Variants in OR10A4 observed in about 807,000 individuals in gnomAD.
OR10A4 encodes olfactory receptor family 10 subfamily A member 4, also known as olfactory receptor 10A4.
A neutral mutation model predicts 15.4 loss-of-function variants in OR10A4; 18 were observed. The ratio of observed to expected loss-of-function variants is 1.17; its 90% CI spans 0.81 to 1.74. The LOEUF (loss-of-function observed/expected upper bound fraction) is 1.74. Among genes scored for constraint, OR10A4 ranks in the 40% most tolerant of loss-of-function variants. The pLI is 0.00. For synonymous variants in OR10A4, 161 were observed against 149.5 expected (o/e 1.08, Z -0.56); for missense variants, 455 against 372.3 (o/e 1.22, Z -1.83).
In OR10A4 at chr11:6,876,646, G is replaced by A. The variant is rs112578149; in HGVS notation, c.-2G>A. ...ATGCCCAGTGAAGTCCTGGGCAGAA[G>A]AATGATGTGGGAAAACTGGACAATT... On this transcript the variant is annotated 5_prime_UTR_variant, in exon 1 of 1. Transcript: ENST00000379829. 3.1e-4 allele frequency: 502 copies of A among 1,601,776 alleles called. 4 individuals carry two copies. The African/African-American group carries it at 4.8e-3, about 15-fold the overall frequency.
In OR10A4 at chr11:6,877,157, TG is replaced by T; in HGVS notation, c.512del (p.Gly171AlafsTer5). The T allele has an allele frequency of 6.2e-7, 1 of 1,614,246 alleles. No individual in the cohort carries two copies. On this transcript the variant is annotated frameshift_variant, in exon 1 of 1. Coordinates refer to ENST00000379829, the MANE Select transcript of OR10A4 (RefSeq NM_207186.2). LOFTEE classifies it high-confidence loss of function. ...CATGGATTTTCAGTTTCCCTTTTTGTGGCCCCAACAGGGTGAACCACTTCTT... is the reference window on the plus strand; with the variant it reads ...CATGGATTTTCAGTTTCCCTTTTTGTGCCCCAACAGGGTGAACCACTTCTT... ...TTWIFSFPFC[G>X]PNRVNHFFCD...
chr11:6,877,355 T>C lies in OR10A4; in HGVS notation c.708T>C (p.His236=), dbSNP rs1468720432. The C allele has an allele frequency of 1.5e-5, 24 of 1,614,112 alleles. No individual in the cohort carries two copies. Among genetic ancestry groups the C allele is most frequent in the Non-Finnish European group, 1.9e-5 (23 of 1,180,006 alleles). The change falls in exon 1 of 1, where the codon CAT becomes CAC. Residue 236 remains histidine (H), a synonymous_variant. Coordinates refer to ENST00000379829, the MANE Select transcript of OR10A4 (RefSeq NM_207186.2). ...IFRMPSAEGK[H]QAFSTCSAHL... ...GGATGCCGTCAGCTGAGGGGAAACA[T>C]CAGGCATTCTCCACCTGTTCCGCCC...
Position 6,877,230 on chromosome 11 carries a change from G to A in OR10A4, c.583G>A (p.Val195Met). 6.2e-7 allele frequency: 1 copy of A among 1,614,212 alleles called. No homozygotes were observed. Among genetic ancestry groups the A allele is most frequent in the Non-Finnish European group, 8.5e-7 (1 of 1,180,032 alleles). ...VIALVCADTSVFELEALTATV... is the reference protein window; with the variant it reads ...VIALVCADTSMFELEALTATV... ...TGCACTGGTCTGTGCTGACACCTCT[G>A]TGTTTGAACTGGAGGCTCTGACAGC... Residue 195 changes from valine (V) to methionine (M), a missense_variant, in exon 1 of 1, where the codon GTG becomes ATG. By Grantham distance (21) the Val-to-Met change is conservative. Coordinates refer to ENST00000379829, the MANE Select transcript of OR10A4 (RefSeq NM_207186.2).
chr11:6,876,790 T>C lies in OR10A4; in HGVS notation c.143T>C (p.Leu48Pro). ...TTAATGGGCAATGTCCTCATCATCC[T>C]GGTCACTATAGCTGACTCTGCACTA... Reference protein sequence around the residue: ...VTLMGNVLIILVTIADSALQS... With the variant: ...VTLMGNVLIIPVTIADSALQS... The change falls in exon 1 of 1, where the codon CTG (leucine) becomes CCG (proline). Residue 48 changes from leucine to proline, a missense_variant. Physicochemically the swap from Leu to Pro is moderately conservative, Grantham distance 98. Transcript: ENST00000379829. 2 of 1,614,170 alleles carry C rather than the reference T, an allele frequency of 1.2e-6. No individual in the cohort carries two copies. Among genetic ancestry groups the C allele is most frequent in the Non-Finnish European group, 1.7e-6 (2 of 1,179,984 alleles).
rs200362916 is a variant in OR10A4, at chr11:6,876,864, G to A, written c.217G>A (p.Gly73Ser). 1.7e-5 allele frequency: 28 copies of A among 1,614,170 alleles called. No individual in the cohort carries two copies. The African/African-American group carries it at 2.8e-4, about 16-fold the overall frequency. ...FLRNLSFLEI[G>S]FNLVIVPKML... The stretch of plus-strand genomic sequence containing the variant: ...CAGAAACTTGTCCTTCCTGGAGATA[G>A]GTTTCAACTTGGTCATTGTGCCCAA... Residue 73 changes from glycine (G) to serine (S), a missense_variant, in exon 1 of 1, where the codon GGT becomes AGT. By Grantham distance (56) the Gly-to-Ser change is moderately conservative (BLOSUM62 0). Transcript: ENST00000379829.
chr11:6,877,194 C>T lies in OR10A4; in HGVS notation c.547C>T (p.Pro183Ser). ...NRVNHFFCDS[P>S]PVIALVCADT... ...GGTGAACCACTTCTTCTGTGACAGC[C>T]CTCCTGTTATTGCACTGGTCTGTGC... is the stretch of plus-strand genomic sequence containing the variant. The change falls in exon 1 of 1, where the codon CCT becomes TCT. Residue 183 changes from proline to serine, a missense_variant. Physicochemically the swap from Pro to Ser is moderately conservative, Grantham distance 74. Transcript: ENST00000379829. 1 of 1,614,204 alleles carries T rather than the reference C, an allele frequency of 6.2e-7. No homozygotes were observed. Among genetic ancestry groups the T allele is most frequent in the South Asian group, 1.1e-5 (1 of 91,088 alleles).
In OR10A4 at chr11:6,876,839, C is replaced by T; in HGVS notation, c.192C>T (p.Leu64=). The T allele has an allele frequency of 8.7e-6, 14 of 1,614,192 alleles. No homozygotes were observed. Among genetic ancestry groups the T allele is most frequent in the Non-Finnish European group, 1.1e-5 (13 of 1,180,016 alleles). ...TACAAAGTCCTATGTACTTCTTCCTCAGAAACTTGTCCTTCCTGGAGATAG... is the reference window on the plus strand; with the variant it reads ...TACAAAGTCCTATGTACTTCTTCCTTAGAAACTTGTCCTTCCTGGAGATAG... ...SALQSPMYFF[L]RNLSFLEIGF... is the part of the protein sequence containing the mutation. Residue 64 remains leucine (L), a synonymous_variant, in exon 1 of 1, where the codon CTC becomes CTT. Coordinates refer to ENST00000379829, the MANE Select transcript of OR10A4 (RefSeq NM_207186.2).
At position 6,877,363 on chromosome 11, in the gene OR10A4, T is replaced by G. The variant is rs1292976516; in HGVS notation, c.716T>G (p.Phe239Cys). 2 of 1,614,006 alleles carry G rather than the reference T, an allele frequency of 1.2e-6. No homozygotes were observed. Among genetic ancestry groups the G allele is most frequent in the African/African-American group, 1.3e-5 (1 of 74,902 alleles). ...MPSAEGKHQA[F>C]STCSAHLLVV... The stretch of plus-strand genomic sequence containing the variant: ...TCAGCTGAGGGGAAACATCAGGCAT[T>G]CTCCACCTGTTCCGCCCACCTCTTG... Residue 239 changes from phenylalanine to cysteine, a missense_variant, in exon 1 of 1, where the codon TTC (phenylalanine) becomes TGC (cysteine). Physicochemically the swap from Phe to Cys is radical, Grantham distance 205. Coordinates refer to ENST00000379829, the MANE Select transcript of OR10A4 (RefSeq NM_207186.2).
chr11:6,877,398 CT>C lies in OR10A4; in HGVS notation c.752del (p.Leu251ProfsTer32), dbSNP rs1404826217. 4.3e-6 allele frequency: 7 copies of C among 1,614,154 alleles called. No homozygotes were observed. In the African/African-American group the frequency reaches 8.0e-5, roughly 18 times the overall value. On this transcript the variant is annotated frameshift_variant, in exon 1 of 1. Coordinates refer to ENST00000379829, the MANE Select transcript of OR10A4 (RefSeq NM_207186.2). LOFTEE classifies it high-confidence loss of function. ...TTCCGCCCACCTCTTGGTTGTCTCT[CT>C]CTTCTATAGCACTGCCATCCTCACG... ...TCSAHLLVVSLFYSTAILTYF... is the reference protein window; with the variant it reads ...TCSAHLLVVSXFYSTAILTYF...
chr11:6,876,763 C>T lies in OR10A4; in HGVS notation c.116C>T (p.Thr39Ile), dbSNP rs375619895. The T allele has an allele frequency of 6.2e-7, 1 of 1,613,830 alleles. No homozygotes were observed. Among genetic ancestry groups the T allele is most frequent in the African/African-American group, 1.3e-5 (1 of 74,922 alleles). Residue 39 changes from threonine (T) to isoleucine (I), a missense_variant, in exon 1 of 1, where the codon ACT becomes ATT. Coordinates refer to ENST00000379829, the MANE Select transcript of OR10A4 (RefSeq NM_207186.2). ...FLLFLTIYLV[T>I]LMGNVLIILV... ...CTTTTCTTGACCATTTACTTGGTTA[C>T]TTTAATGGGCAATGTCCTCATCATC... is the stretch of plus-strand genomic sequence containing the variant.
chr11:6,877,469 G>T lies in OR10A4; in HGVS notation c.822G>T (p.Leu274=). The T allele has an allele frequency of 6.2e-7, 1 of 1,613,986 alleles. No homozygotes were observed. The highest frequency in any genetic ancestry group is 8.5e-7 in the Non-Finnish European group (1 of 1,179,960). ...GTGCCTCTTCTGAGAGCAAGAAGCT[G>T]CTGTCACTCTCTTCCACAGTGGTGA... ...QSSASSESKK[L]LSLSSTVVTP... is the part of the protein sequence containing the mutation. The change falls in exon 1 of 1, where the codon CTG becomes CTT. Residue 274 remains leucine (L), a synonymous_variant. Coordinates refer to ENST00000379829, the MANE Select transcript of OR10A4 (RefSeq NM_207186.2).
Position 6,876,832 on chromosome 11 carries a change from T to A in OR10A4, c.185T>A (p.Phe62Tyr). The A allele has an allele frequency of 6.2e-7, 1 of 1,614,226 alleles. No individual in the cohort carries two copies. The highest frequency in any genetic ancestry group is 8.5e-7 in the Non-Finnish European group (1 of 1,180,030). The change falls in exon 1 of 1, where the codon TTC (phenylalanine) becomes TAC (tyrosine). Residue 62 changes from phenylalanine (F) to tyrosine (Y), a missense_variant. Coordinates refer to ENST00000379829, the MANE Select transcript of OR10A4 (RefSeq NM_207186.2). ...TCTGCACTACAAAGTCCTATGTACT[T>A]CTTCCTCAGAAACTTGTCCTTCCTG... ...ADSALQSPMY[F>Y]FLRNLSFLEI...
chr11:6,877,273 T>G lies in OR10A4; in HGVS notation c.626T>G (p.Leu209Arg). ...CTGACAGCCACTGTCCTATTCATTC[T>G]CTTTCCTTTCTTGCTGATCCTGGGA... is the stretch of plus-strand genomic sequence containing the variant. ...EALTATVLFILFPFLLILGSY... is the reference protein window; with the variant it reads ...EALTATVLFIRFPFLLILGSY... The change falls in exon 1 of 1, where the codon CTC (leucine) becomes CGC (arginine). Residue 209 changes from leucine to arginine, a missense_variant. Transcript: ENST00000379829. 6.2e-7 allele frequency: 1 copy of G among 1,614,236 alleles called. No homozygotes were observed. The highest frequency in any genetic ancestry group is 8.5e-7 in the Non-Finnish European group (1 of 1,180,040).
In OR10A4 at chr11:6,877,280, T is replaced by C. The variant is rs1756462271; in HGVS notation, c.633T>C (p.Pro211=). 1.2e-6 allele frequency: 2 copies of C among 1,614,236 alleles called. No individual in the cohort carries two copies. The highest frequency in any genetic ancestry group is 2.7e-5 in the African/African-American group (2 of 75,058). Residue 211 remains proline (P), a synonymous_variant, in exon 1 of 1, where the codon CCT becomes CCC. Coordinates refer to ENST00000379829, the MANE Select transcript of OR10A4 (RefSeq NM_207186.2). ...LTATVLFILF[P]FLLILGSYVR... ...CCACTGTCCTATTCATTCTCTTTCC[T>C]TTCTTGCTGATCCTGGGATCCTATG...
chr11:6,877,106 G>C lies in OR10A4; in HGVS notation c.459G>C (p.Gly153=), dbSNP rs1382775189. The change falls in exon 1 of 1, where the codon GGG becomes GGC. Residue 153 remains glycine, a synonymous_variant. Transcript: ENST00000379829. ...AQLAAASWFS[G]FSVATVQTTW... ...TGGCAGCTGCCTCTTGGTTCTCAGG[G>C]TTTTCAGTGGCCACTGTGCAAACCA... is the stretch of plus-strand genomic sequence containing the variant. 1 of 1,614,198 alleles carries C rather than the reference G, an allele frequency of 6.2e-7. No homozygotes were observed. The highest frequency in any genetic ancestry group is 8.5e-7 in the Non-Finnish European group (1 of 1,180,036).
chr11:6,877,497 C>G lies in OR10A4; in HGVS notation c.850C>G (p.Pro284Ala). Reference protein sequence around the residue: ...LLSLSSTVVTPMLNPIIYSSR... With the variant: ...LLSLSSTVVTAMLNPIIYSSR... Reference sequence around the variant, plus strand: ...GTCACTCTCTTCCACAGTGGTGACTCCCATGTTGAACCCCATCATCTACAG... The same window carrying G: ...GTCACTCTCTTCCACAGTGGTGACTGCCATGTTGAACCCCATCATCTACAG... The change falls in exon 1 of 1, where the codon CCC becomes GCC. Residue 284 changes from proline to alanine, a missense_variant. Physicochemically the swap from Pro to Ala is conservative, Grantham distance 27 (BLOSUM62 -1). Coordinates refer to ENST00000379829, the MANE Select transcript of OR10A4 (RefSeq NM_207186.2). 1 of 1,614,020 alleles carries G rather than the reference C, an allele frequency of 6.2e-7. No homozygotes were observed. Among genetic ancestry groups the G allele is most frequent in the African/African-American group, 1.3e-5 (1 of 74,992 alleles).
Position 6,876,667 on chromosome 11 carries a change from C to A in OR10A4, c.20C>A (p.Thr7Lys). MMWENWTIVSEFVLVSF... is the reference protein window; with the variant it reads MMWENWKIVSEFVLVSF... ...AGAAGAATGATGTGGGAAAACTGGA[C>A]AATTGTCAGTGAATTTGTTCTCGTG... Residue 7 changes from threonine to lysine, a missense_variant, in exon 1 of 1, where the codon ACA becomes AAA. Transcript: ENST00000379829. 1.2e-6 allele frequency: 2 copies of A among 1,611,426 alleles called. No individual in the cohort carries two copies. Among genetic ancestry groups the A allele is most frequent in the East Asian group, 2.2e-5 (1 of 44,880 alleles).
Position 6,876,804 on chromosome 11 carries a change from G to C in OR10A4, c.157G>C (p.Asp53His), listed in dbSNP as rs544218211. The C allele has an allele frequency of 3.1e-6, 5 of 1,614,126 alleles. No homozygotes were observed. In the South Asian group the frequency reaches 5.5e-5, roughly 18 times the overall value. Residue 53 changes from aspartate to histidine, a missense_variant, in exon 1 of 1, where the codon GAC becomes CAC. Transcript: ENST00000379829. ...CCTCATCATCCTGGTCACTATAGCT[G>C]ACTCTGCACTACAAAGTCCTATGTA... ...NVLIILVTIA[D>H]SALQSPMYFF...
In OR10A4 at chr11:6,876,664, G is replaced by A. The variant is rs1371523748; in HGVS notation, c.17G>A (p.Trp6Ter). 1.2e-6 allele frequency: 2 copies of A among 1,611,064 alleles called. No individual in the cohort carries two copies. Among genetic ancestry groups the A allele is most frequent in the Admixed American group, 1.7e-5 (1 of 59,762 alleles). MMWEN[W>*]TIVSEFVLVS... ...GGCAGAAGAATGATGTGGGAAAACT[G>A]GACAATTGTCAGTGAATTTGTTCTC... The change falls in exon 1 of 1, where the codon TGG becomes TAG. Residue 6 changes from tryptophan to a stop codon, truncating the protein, a stop_gained. Coordinates refer to ENST00000379829, the MANE Select transcript of OR10A4 (RefSeq NM_207186.2). LOFTEE classifies it high-confidence loss of function.
Sources: allele counts gnomAD v4.1 joint callset, GRCh38; gene constraint gnomAD v4.1.1; transcripts MANE v1.5; gene names NCBI Gene and HGNC (gene_info 2026-07-23, HGNC 2026-07-21).